The following EHF variants were observed in gnomAD, a reference collection of about 807,000 sequenced individuals.
The protein encoded by EHF is ETS homologous factor, also known as ESE3 transcription factor.
In EHF, 14 loss-of-function variants were observed where a neutral mutation model predicts 45.1. The observed-to-expected ratio is 0.31, with a 90% confidence interval of 0.21 to 0.49. EHF has a LOEUF of 0.49. EHF is among the 20% of genes least tolerant of loss of function. The probability of loss-of-function intolerance (pLI) is 0.99; values close to 1 mark genes in which losing one functional copy is unlikely to be tolerated. For synonymous variants in EHF, 136 were observed against 131.8 expected (o/e 1.03, Z -0.22); for missense variants, 282 against 371.4 (o/e 0.76, Z 1.98).
In EHF at chr11:34,637,965, G is replaced by A. The variant is rs938708687; in HGVS notation, c.-3-4663G>A. On this transcript the variant is annotated intron_variant, in intron 1 of 8. Transcript: ENST00000257831. ...TGCCCAGGCTGGAGTACAGTGGCTC[G>A]AGCTCGGCTCGCTGCAACCTCTGAC... Among the ~76,000 whole-genome samples, 97 of 149,424 alleles carry A rather than the reference G, an allele frequency of 6.5e-4. 2 individuals carry two copies. The highest frequency in any genetic ancestry group is 1.7e-3 in the Admixed American group (26 of 14,932).
chr11:34,632,328 G>T, intron 1 of EHF: 1 of 606,056 alleles, frequency 1.7e-6, no homozygotes, highest in Non-Finnish European at 2.7e-6. Context: ...GAGGTATTCA[G>T]AAGATAACAG....
At chr11:34,624,807 G>A (rs1852228220) in intron 1 of EHF, among the ~76,000 whole-genome samples, 2 of 152,180 alleles carry the variant, frequency 1.3e-5, no homozygotes. Context: ...TTGAACTCCA[G>A]CTTTGGAGTG....
chr11:34,644,211 T>G lies in EHF; in HGVS notation c.97+1484T>G, dbSNP rs1201452511. On this transcript the variant is annotated intron_variant, in intron 2 of 8. Transcript: ENST00000257831. ...TATTCTAGATGTGCTGTTAGGTTATTAAAAGTTGGTGCCTCTTGTTGTCAA... is the reference window on the plus strand; with the variant it reads ...TATTCTAGATGTGCTGTTAGGTTATGAAAAGTTGGTGCCTCTTGTTGTCAA... Among the ~76,000 whole-genome samples, 4 of 152,194 alleles carry G rather than the reference T, an allele frequency of 2.6e-5. No homozygotes were observed. The East Asian group carries it at 7.7e-4, about 29-fold the overall frequency.
At chr11:34,651,499 G>A in intron 4 of EHF, 43 bp from the exon 5 acceptor site, 1 of 1,536,244 alleles carries the variant, frequency 6.5e-7, no homozygotes, top group Non-Finnish European at 8.9e-7. Flanking sequence ...TTCTCCCTGG[G>A]GAAAAGAGAT....
At chr11:34,622,655 T>G (rs941220877) in intron 1 of EHF, among the ~76,000 whole-genome samples, 1 of 151,368 alleles carries the variant, frequency 6.6e-6, no homozygotes, top group African/African-American at 2.4e-5. Context: ...TTCCTCTTTT[T>G]GTGACCTAAA....
chr11:34,632,561 T>C, intron 1 of EHF: 2 of 1,535,620 alleles, frequency 1.3e-6, no homozygotes. Context: ...CTCCACGTCC[T>C]AGTCAGAGTT....
At chr11:34,641,614 T>C (rs1266988857) in intron 1 of EHF, among the ~76,000 whole-genome samples, 5 of 152,186 alleles carry the variant, frequency 3.3e-5, no homozygotes, top group Non-Finnish European at 1.5e-5. Flanking sequence ...CAACATTTTA[T>C]AAAGAGCAAG....
intron 7 of EHF, 144 bp from the exon 8 acceptor site, chr11:34,658,389 G>A (rs1855855155): frequency 1.6e-6 from 1 of 644,216 alleles, no homozygotes; most frequent in African/African-American, 1.8e-5. Flanking sequence ...CCAACATCTG[G>A]TGATTCTGCG....
At chr11:34,625,701 G>T (rs904063735) in intron 1 of EHF, among the ~76,000 whole-genome samples, 1 of 152,188 alleles carries the variant, frequency 6.6e-6, no homozygotes, top group Non-Finnish European at 1.5e-5. Context: ...GAGACACCCT[G>T]TAAAATACTC....
intron 1 of EHF, among the ~76,000 whole-genome samples, chr11:34,621,757 CAATCACACTGGA>C (rs1852000956): frequency 6.6e-6 from 1 of 152,220 alleles, no homozygotes; most frequent in Non-Finnish European, 1.5e-5. Flanking sequence ...AGAACATACA[CAATCACACTGGA>C]AAAAGTGGCC....
Position 34,662,841 on chromosome 11 carries a change from T to A in EHF, c.*3910T>A, listed in dbSNP as rs1856170680. Among the ~76,000 whole-genome samples, 1 of 152,096 alleles carries A rather than the reference T, an allele frequency of 6.6e-6. No homozygotes were observed. The highest frequency in any genetic ancestry group is 6.6e-5 in the Admixed American group (1 of 15,250). On this transcript the variant is annotated 3_prime_UTR_variant, in exon 9 of 9. Coordinates refer to ENST00000257831, the MANE Select transcript of EHF (RefSeq NM_012153.6). ...AGCAATAGATCTCGGTAGTTACGTA[T>A]TGGGCAGATACTTACTGTATGAATG...
intron 6 of EHF, among the ~76,000 whole-genome samples, chr11:34,653,217 G>A (rs1380833182): frequency 6.6e-6 from 1 of 151,440 alleles, no homozygotes; most frequent in Non-Finnish European, 1.5e-5. Flanking sequence ...TTTGACTTAC[G>A]GCAAAAAATT....
intron 1 of EHF, among the ~76,000 whole-genome samples, chr11:34,635,525 C>G (rs1428383459): frequency 6.9e-6 from 1 of 143,996 alleles, no homozygotes; most frequent in Admixed American, 7.2e-5. Flanking sequence ...GATCTCAGCT[C>G]ACTGCAACCT....
At chr11:34,654,375 G>A (rs1855480835) in intron 6 of EHF, among the ~76,000 whole-genome samples, 1 of 152,192 alleles carries the variant, frequency 6.6e-6, no homozygotes, top group African/African-American at 2.4e-5. Context: ...GGCAGAAGAA[G>A]GACACATATT....
intron 1 of EHF, 117 bp from the exon 2 acceptor site, chr11:34,642,511 A>G: frequency 1.5e-6 from 1 of 651,288 alleles, no homozygotes; most frequent in South Asian, 2.0e-5. Flanking sequence ...GTGGCAGGCA[A>G]TGGGTGGAAG....
chr11:34,631,026 A>AT, intron 1 of EHF, among the ~76,000 whole-genome samples: 1 of 151,990 alleles, frequency 6.6e-6, no homozygotes, highest in Non-Finnish European at 1.5e-5. Flanking sequence ...ATATTATATT[A>AT]TTTTATTTTT....
intron 1 of EHF, among the ~76,000 whole-genome samples, chr11:34,636,836 C>A (rs930906663): frequency 3.3e-5 from 5 of 152,122 alleles, no homozygotes; most frequent in Non-Finnish European, 7.3e-5. Context: ...AGTTCGAGAC[C>A]AGCCTCAACA....
chr11:34,657,338 T>A (rs1315035809), intron 7 of EHF, among the ~76,000 whole-genome samples: 1 of 152,230 alleles, frequency 6.6e-6, no homozygotes, highest in African/African-American at 2.4e-5. Context: ...TCCTTTCTTT[T>A]GCTAAATGTT....
chr11:34,647,351 C>T (rs534032993), intron 3 of EHF, among the ~76,000 whole-genome samples: 5 of 152,262 alleles, frequency 3.3e-5, no homozygotes, highest in Admixed American at 1.3e-4. Flanking sequence ...TCTGAGGCTT[C>T]CCCTAGCACA....
Sources: allele counts gnomAD v4.1 joint callset (sites outside exome capture counted in the v4.1 genomes callset), GRCh38; gene constraint gnomAD v4.1.1; transcripts MANE v1.5; gene names NCBI Gene and HGNC (gene_info 2026-07-23, HGNC 2026-07-21).